NRXN2: variants seen among roughly 807,000 people sequenced by gnomAD.
NRXN2 encodes the protein neurexin-2-beta.
NRXN2 carries 29 observed loss-of-function variants against 128.8 expected under a neutral mutation model. That is an observed-to-expected ratio of 0.23 (90% CI 0.17 to 0.31). NRXN2 has a LOEUF of 0.31. NRXN2 is among the 10% of genes least tolerant of loss of function. The pLI, the probability that NRXN2 is intolerant of heterozygous loss-of-function variation, is 1.00. For synonymous variants in NRXN2, 1,098 were observed against 1,075.2 expected, an observed-to-expected ratio of 1.02 and a Z score of -0.41; for missense variants, 1,881 against 2,452.6, an observed-to-expected ratio of 0.77 and a Z score of 4.92.
intron 2 of NRXN2, among the ~76,000 whole-genome samples, chr11:64,710,527 C>T (rs551890): frequency 0.73 from 111,459 of 151,950 alleles, 43,243 homozygotes; most frequent in Middle Eastern, 0.91. Flanking sequence ...GCATTTTTCA[C>T]ACACCCAAGC....
intron 5 of NRXN2, among the ~76,000 whole-genome samples, chr11:64,686,455 C>G (rs1260246233): frequency 6.6e-6 from 1 of 152,192 alleles, no homozygotes; most frequent in Non-Finnish European, 1.5e-5. Flanking sequence ...ACAGTTTCAG[C>G]CTCACCATAT....
chr11:64,647,620 C>T (rs187369062), intron 17 of NRXN2, among the ~76,000 whole-genome samples: 1 of 152,278 alleles, frequency 6.6e-6, no homozygotes, highest in East Asian at 1.9e-4. Context: ...CCTTGTGGCT[C>T]AAGGGGACAA....
intron 12 of NRXN2, among the ~76,000 whole-genome samples, chr11:64,653,388 T>C (rs1202336774): frequency 1.3e-5 from 2 of 152,096 alleles, no homozygotes; most frequent in Non-Finnish European, 2.9e-5. Context: ...CCTTGATTTC[T>C]ACCTCCTCCC....
At chr11:64,641,128 C>A (rs894022634) in intron 17 of NRXN2, among the ~76,000 whole-genome samples, 2 of 151,934 alleles carry the variant, frequency 1.3e-5, no homozygotes, top group Non-Finnish European at 2.9e-5. Flanking sequence ...TCAGAGAACC[C>A]TGATGGGAGG....
chr11:64,643,836 T>C (rs1325430343), intron 17 of NRXN2, among the ~76,000 whole-genome samples: 2 of 152,022 alleles, frequency 1.3e-5, no homozygotes, highest in African/African-American at 2.4e-5. Flanking sequence ...TGGAACGGGA[T>C]TGAGGCTAGC....
At position 64,630,604 on chromosome 11, in the gene NRXN2, A is replaced by G. The variant is rs764184771; in HGVS notation, c.3586-31T>C. The G allele has an allele frequency of 1.9e-5, 31 of 1,612,870 alleles. No homozygotes were observed. The highest frequency in any genetic ancestry group is 2.6e-5 in the Non-Finnish European group (31 of 1,179,714). On this transcript the variant is annotated intron_variant, in intron 18 of 22. Coordinates refer to ENST00000265459, the MANE Select transcript of NRXN2 (RefSeq NM_015080.4). This position sits in a 1 kb window ranked among gnomAD's most constrained non-coding sequence, Gnocchi z 4.6. The stretch of plus-strand genomic sequence containing the variant: ...GACATGGAGGTGGAGGTCAGCGACC[A>G]GAGGGAGCAACCATTCATCCCTTCT...
rs754779952 is a variant in NRXN2 at position 64,632,600 on chromosome 11, TGA to T, written c.3586-2029_3586-2028del. On this transcript the variant is annotated intron_variant, in intron 18 of 22. Transcript: ENST00000265459. This position sits in a 1 kb window ranked among gnomAD's most constrained non-coding sequence, Gnocchi z 4.2. The stretch of plus-strand genomic sequence containing the variant: ...TGGTGGTCAAGGAGCACATGCAGTC[TGA>T]GAGCCAGGCTGGCAGAGTGCCGGCC... 1.3e-5 allele frequency among the ~76,000 whole-genome samples: 2 copies of T among 152,132 alleles called. No individual in the cohort carries two copies. The highest frequency in any genetic ancestry group is 2.9e-5 in the Non-Finnish European group (2 of 68,016).
chr11:64,716,025 C>CG (rs1351525323), intron 1 of NRXN2, among the ~76,000 whole-genome samples: 1 of 152,076 alleles, frequency 6.6e-6, no homozygotes, highest in African/African-American at 2.4e-5. Context: ...TTTCCAGAAG[C>CG]GGTAGCCAAA....
intron 7 of NRXN2, chr11:64,676,681 A>G (rs1377403234): frequency 4.1e-6 from 2 of 485,482 alleles, no homozygotes; most frequent in East Asian, 3.5e-5. Flanking sequence ...GAGCCGATGA[A>G]CATGGGGCCT....
rs1468733627 is a variant in NRXN2, at chr11:64,667,024, C to G, written c.1798+226G>C. On this transcript the variant is annotated intron_variant, in intron 9 of 22. Coordinates refer to ENST00000265459, the MANE Select transcript of NRXN2 (RefSeq NM_015080.4). This position sits in a 1 kb window ranked among gnomAD's most constrained non-coding sequence, Gnocchi z 5.6. ...GTCTCACATGCAGCAAGTAGGGGAGCTGAGGTGTAATCCAGGTCTGACTGA... is the reference window on the plus strand; with the variant it reads ...GTCTCACATGCAGCAAGTAGGGGAGGTGAGGTGTAATCCAGGTCTGACTGA... 1.3e-5 allele frequency among the ~76,000 whole-genome samples: 2 copies of G among 152,156 alleles called. No individual in the cohort carries two copies. Among genetic ancestry groups the G allele is most frequent in the African/African-American group, 4.8e-5 (2 of 41,414 alleles).
At chr11:64,700,473 C>T (rs2055179128) in intron 2 of NRXN2, among the ~76,000 whole-genome samples, 2 of 152,192 alleles carry the variant, frequency 1.3e-5, no homozygotes, top group Non-Finnish European at 2.9e-5. Flanking sequence ...TGCTGGGCAC[C>T]GTACTGACCC....
chr11:64,705,031 G>A (rs907300498), intron 2 of NRXN2, among the ~76,000 whole-genome samples: 1 of 152,188 alleles, frequency 6.6e-6, no homozygotes, highest in African/African-American at 2.4e-5. Context: ...GGAAAACTGA[G>A]ATTTTCCTGA....
rs570498581 is a variant in NRXN2 at position 64,685,668 on chromosome 11, C to T, written c.1130G>A (p.Arg377Gln). The T allele has an allele frequency of 3.7e-6, 6 of 1,614,188 alleles. No individual in the cohort carries two copies. Among genetic ancestry groups the T allele is most frequent in the Admixed American group, 3.3e-5 (2 of 60,026 alleles). ...TACCTGGCGCAGGTTTCGGGTGACC[C>T]GGACGTCGTGCCAGGCGTTGTCGTT... Reference protein sequence around the residue: ...KFNDNAWHDVRVTRNLRQHAG... With the variant: ...KFNDNAWHDVQVTRNLRQHAG... Residue 377 changes from arginine (R) to glutamine (Q), a missense_variant, in exon 6 of 23, where the codon CGG becomes CAG. Physicochemically the swap from Arg to Gln is conservative, Grantham distance 43. Around this residue, in one of 7 missense-constraint regions of NRXN2, gnomAD observed 997 missense variants for 1,240.8 expected, o/e 0.80. Coordinates refer to ENST00000265459, the MANE Select transcript of NRXN2 (RefSeq NM_015080.4).
chr11:64,674,064 T>C (rs923461984), intron 7 of NRXN2, among the ~76,000 whole-genome samples: 1 of 144,014 alleles, frequency 6.9e-6, no homozygotes, highest in Non-Finnish European at 1.5e-5. Flanking sequence ...AAGCAGGCGG[T>C]GGGGAGGTCT....
intron 2 of NRXN2, among the ~76,000 whole-genome samples, chr11:64,700,700 C>A (rs562099147): frequency 6.6e-6 from 1 of 152,298 alleles, no homozygotes; most frequent in East Asian, 1.9e-4. Flanking sequence ...CCCAGCCTGA[C>A]CCTCTTGGCA....
chr11:64,722,799 C>T (rs953389973), intron 1 of NRXN2, among the ~76,000 whole-genome samples, 172 bp downstream of exon 1: 4 of 151,580 alleles, frequency 2.6e-5, no homozygotes, highest in African/African-American at 9.7e-5. Context: ...ACCCCCAAGC[C>T]CCCAGCGGCT....
chr11:64,681,097 CAAAAAAAA>C (rs59532747), intron 6 of NRXN2, among the ~76,000 whole-genome samples: 5 of 66,672 alleles, frequency 7.5e-5, no homozygotes, highest in African/African-American at 2.8e-4. Flanking sequence ...ACTCTATCTC[CAAAAAAAA>C]AAAAAAAAAG....
In NRXN2 at chr11:64,622,624, A is replaced by T. The variant is rs2042529652; in HGVS notation, c.4173+129T>A. On this transcript the variant is annotated intron_variant, in intron 21 of 22. Coordinates refer to ENST00000265459, the MANE Select transcript of NRXN2 (RefSeq NM_015080.4). This position sits in a 1 kb window ranked among gnomAD's most constrained non-coding sequence, Gnocchi z 4.3. Reference sequence around the variant, plus strand: ...CATCGCCATGGCAACAAAGTCAGCGACAGCAGCCTTCAGGATCCCAACAGA... The same window carrying T: ...CATCGCCATGGCAACAAAGTCAGCGTCAGCAGCCTTCAGGATCCCAACAGA... 1.5e-6 allele frequency: 2 copies of T among 1,355,298 alleles called. No homozygotes were observed. Among genetic ancestry groups the T allele is most frequent in the African/African-American group, 2.9e-5 (2 of 69,234 alleles). 84.0% of individuals were successfully genotyped at this position (1,355,298 alleles called of 1,614,324 possible).
At chr11:64,705,446 T>C (rs1592251158) in intron 2 of NRXN2, among the ~76,000 whole-genome samples, 2 of 151,576 alleles carry the variant, frequency 1.3e-5, no homozygotes, top group Admixed American at 6.6e-5. Flanking sequence ...CCCCCCTCTC[T>C]CCTCCCCCGA....
Sources: allele counts gnomAD v4.1 joint callset (sites outside exome capture counted in the v4.1 genomes callset), GRCh38; gene constraint gnomAD v4.1.1; regional missense constraint gnomAD v4.1.1; non-coding constraint Gnocchi (gnomAD v3.1); transcripts MANE v1.5; gene names NCBI Gene and HGNC (gene_info 2026-07-23, HGNC 2026-07-21).